The following DEK variants were observed in gnomAD, a reference collection of about 807,000 sequenced individuals.
The protein encoded by DEK is protein DEK.
A neutral mutation model predicts 46.8 loss-of-function variants in DEK; 28 were observed. The observed-to-expected ratio is 0.60, with a 90% CI of 0.44 to 0.82. The LOEUF is 0.82. Ranked by LOEUF, DEK falls within the 40% of genes least tolerant of loss-of-function variation. The probability of loss-of-function intolerance (pLI) is 0.00; values close to 1 mark genes in which losing one functional copy is unlikely to be tolerated. For missense variants in DEK, 416 were observed against 430.6 expected, an observed-to-expected ratio of 0.97 and a Z score of 0.30; for synonymous variants, 160 against 144.5, an observed-to-expected ratio of 1.11 and a Z score of -0.77.
At chr6:18,241,240 C>T (rs940706266) in intron 7 of DEK, among the ~76,000 whole-genome samples, 2 of 152,038 alleles carry the variant, frequency 1.3e-5, no homozygotes, top group Non-Finnish European at 2.9e-5. Context: ...TATTAGGACA[C>T]AATGGACAAT....
At chr6:18,229,588 C>T (rs1790311490) in intron 9 of DEK, among the ~76,000 whole-genome samples, 1 of 152,122 alleles carries the variant, frequency 6.6e-6, no homozygotes, top group South Asian at 2.1e-4. Context: ...CATGCACAAG[C>T]TTCAGTAGCC....
intron 9 of DEK, among the ~76,000 whole-genome samples, chr6:18,232,111 A>G (rs1167391806): frequency 6.6e-6 from 1 of 152,192 alleles, no homozygotes; most frequent in Non-Finnish European, 1.5e-5. Flanking sequence ...CAAAGACAAA[A>G]ACCACAAGAT....
chr6:18,242,569 G>A (rs1029224666), intron 7 of DEK, among the ~76,000 whole-genome samples: 1 of 152,176 alleles, frequency 6.6e-6, no homozygotes, highest in Non-Finnish European at 1.5e-5. Flanking sequence ...CCCGGGATGT[G>A]AATCATCCCT....
chr6:18,225,905 T>C (rs1477978948), intron 10 of DEK, 175 bp from the exon 11 acceptor site: 3 of 787,744 alleles, frequency 3.8e-6, no homozygotes, highest in South Asian at 2.0e-5. Flanking sequence ...CCTCAAGTAT[T>C]TGTGAGAGCA....
intron 2 of DEK, 62 bp from the exon 3 acceptor site, chr6:18,258,467 A>G: frequency 3.9e-6 from 5 of 1,275,696 alleles, no homozygotes; most frequent in Non-Finnish European, 5.6e-6. Context: ...TAACTTTATT[A>G]GATACACATG....
Position 18,225,445 on chromosome 6 carries a change from TTATA to T in DEK, c.*270_*273del. Reference sequence around the variant, plus strand: ...CACAACAGCTCAAGAATCTATGACCTTATATAAAGAAATCCAAAATGTACAAAAT... The same window carrying T: ...CACAACAGCTCAAGAATCTATGACCTTAAAGAAATCCAAAATGTACAAAAT... On this transcript the variant is annotated 3_prime_UTR_variant, in exon 11 of 11. Transcript: ENST00000652689. 2.5e-6 allele frequency: 1 copy of T among 398,078 alleles called. No individual in the cohort carries two copies. The highest frequency in any genetic ancestry group is 5.8e-5 in the South Asian group (1 of 17,292). 24.7% of individuals were successfully genotyped at this position (398,078 alleles called of 1,614,324 possible).
chr6:18,256,111 C>T (rs1459477691), intron 5 of DEK, among the ~76,000 whole-genome samples: 1 of 152,068 alleles, frequency 6.6e-6, no homozygotes, highest in East Asian at 1.9e-4. Context: ...CCTCAGCCTC[C>T]CAAGTAGCTG....
chr6:18,263,749 A>G, intron 2 of DEK, 94 bp downstream of exon 2: 1 of 1,607,110 alleles, frequency 6.2e-7, no homozygotes, highest in Non-Finnish European at 8.5e-7. Flanking sequence ...CACGCCTCTA[A>G]ACACCAAAAG....
chr6:18,262,035 G>A (rs962819803), intron 2 of DEK, among the ~76,000 whole-genome samples: 10 of 152,148 alleles, frequency 6.6e-5, no homozygotes, highest in Non-Finnish European at 1.0e-4. Flanking sequence ...GAACGGCTTA[G>A]CATGGTAATC....
chr6:18,254,926 G>A (rs1032636190), intron 6 of DEK, among the ~76,000 whole-genome samples: 3 of 152,132 alleles, frequency 2.0e-5, no homozygotes, highest in African/African-American at 7.2e-5. Flanking sequence ...ACCAAGGGCG[G>A]ACGAAAACGA....
intron 7 of DEK, among the ~76,000 whole-genome samples, chr6:18,247,565 C>CA (rs1224900302): frequency 2.6e-5 from 4 of 151,946 alleles, no homozygotes; most frequent in African/African-American, 7.3e-5. Flanking sequence ...ATCCTGGAAC[C>CA]AATATGGGTA....
intron 7 of DEK, among the ~76,000 whole-genome samples, chr6:18,238,907 T>C (rs1790783102): frequency 6.6e-6 from 1 of 152,140 alleles, no homozygotes; most frequent in Admixed American, 6.5e-5. Flanking sequence ...TCCTGAGAGT[T>C]ATCCTAAAGC....
chr6:18,226,838 T>C (rs1014203630), intron 9 of DEK, among the ~76,000 whole-genome samples: 1 of 152,182 alleles, frequency 6.6e-6, no homozygotes, highest in Non-Finnish European at 1.5e-5. Flanking sequence ...GGAGACTCCA[T>C]TTTGTTCTGT....
chr6:18,259,350 G>A (rs1318415313), intron 2 of DEK, among the ~76,000 whole-genome samples: 3 of 120,710 alleles, frequency 2.5e-5, no homozygotes, highest in East Asian at 5.8e-4. Flanking sequence ...AGCCGAGATC[G>A]CACCACTGCA....
At chr6:18,245,001 G>C (rs545025787) in intron 7 of DEK, among the ~76,000 whole-genome samples, 2 of 152,244 alleles carry the variant, frequency 1.3e-5, no homozygotes, top group East Asian at 3.9e-4. Flanking sequence ...TTGTAAGATG[G>C]CTCACTGAAC....
rs1015824443 is a variant in DEK at position 18,236,391 on chromosome 6, A to T, written c.1047+61T>A. On this transcript the variant is annotated intron_variant, in intron 9 of 10. Transcript: ENST00000652689. ...CACGTAAGTATTTAGCTTCAAATTC[A>T]GAGATAAGTGAAAGAATTTTTCTAG... is the stretch of plus-strand genomic sequence containing the variant. The T allele has an allele frequency of 1.3e-5, 20 of 1,552,722 alleles. No individual in the cohort carries two copies. The African/African-American group carries it at 2.8e-4, about 21-fold the overall frequency.
intron 6 of DEK, 132 bp from the exon 7 acceptor site, chr6:18,249,971 G>A (rs1791297134): frequency 4.4e-6 from 6 of 1,354,560 alleles, no homozygotes; most frequent in South Asian, 1.7e-5. Flanking sequence ...CAGCTTTGCA[G>A]AGAATAATCT....
chr6:18,256,943 G>T (rs1791621126), intron 4 of DEK, among the ~76,000 whole-genome samples: 1 of 152,216 alleles, frequency 6.6e-6, no homozygotes, highest in Non-Finnish European at 1.5e-5. Context: ...ATTGGTTTAA[G>T]GATTAAATGA....
intron 6 of DEK, among the ~76,000 whole-genome samples, chr6:18,253,123 A>G (rs1791461811): frequency 1.3e-5 from 2 of 149,384 alleles, no homozygotes; most frequent in Non-Finnish European, 3.0e-5. Flanking sequence ...TTTTTTTGAG[A>G]CAGTCTCGCT....
Sources: gnomAD v4.1 joint callset for allele counts (sites outside exome capture counted in the v4.1 genomes callset) on GRCh38, gnomAD v4.1.1 for gene constraint, MANE v1.5 for transcripts, NCBI Gene and HGNC (gene_info 2026-07-23, HGNC 2026-07-21) for gene names.